The following SNCAIP variants were observed in gnomAD, a reference collection of about 807,000 sequenced individuals.
SNCAIP encodes synuclein alpha interacting protein.
SNCAIP carries 43 observed loss-of-function variants against 86.7 expected under a neutral mutation model. The ratio of observed to expected loss-of-function variants is 0.50; its 90% CI spans 0.39 to 0.64. SNCAIP has a LOEUF of 0.64. Among genes scored for constraint, SNCAIP ranks in the 30% least tolerant of loss-of-function variants. The pLI, the probability that SNCAIP is intolerant of heterozygous loss-of-function variation, is 0.00. For synonymous variants in SNCAIP, 417 were observed against 427.2 expected (o/e 0.98, Z 0.29); for missense variants, 981 against 1,103.1 (o/e 0.89, Z 1.57).
intron 2 of SNCAIP, among the ~76,000 whole-genome samples, chr5:122,395,612 G>C (rs966859897): frequency 2.0e-5 from 3 of 152,138 alleles, no homozygotes; most frequent in African/African-American, 7.2e-5. Context: ...CTTTCAGTGA[G>C]TTTTCATGTC....
At chr5:122,327,547 G>A (rs888376890) in intron 1 of SNCAIP, among the ~76,000 whole-genome samples, 3 of 152,068 alleles carry the variant, frequency 2.0e-5, no homozygotes, top group East Asian at 1.9e-4. Context: ...GAGTCCACAC[G>A]AAATCTGGTG....
intron 1 of SNCAIP, among the ~76,000 whole-genome samples, chr5:122,379,619 G>C (rs1466356771): frequency 6.6e-6 from 1 of 151,368 alleles, no homozygotes; most frequent in Non-Finnish European, 1.5e-5. Flanking sequence ...TCTTGTGCCA[G>C]TTTTCAAAGG....
chr5:122,366,272 C>G (rs1763177013), intron 1 of SNCAIP, among the ~76,000 whole-genome samples: 1 of 152,170 alleles, frequency 6.6e-6, no homozygotes, highest in Non-Finnish European at 1.5e-5. Flanking sequence ...ACTAGCAAAG[C>G]TGGAATGATG....
chr5:122,440,404 TC>T, intron 6 of SNCAIP: 1 of 538,532 alleles, frequency 1.9e-6, no homozygotes, highest in Non-Finnish European at 3.3e-6. Flanking sequence ...TAAGAGCGCT[TC>T]CAAGGGAGCT....
intron 1 of SNCAIP, among the ~76,000 whole-genome samples, chr5:122,336,566 C>CA (rs1387404878): frequency 1.3e-5 from 2 of 152,254 alleles, no homozygotes; most frequent in African/African-American, 4.8e-5. Flanking sequence ...GCCCTTGTCA[C>CA]AGCCTTGGCT....
chr5:122,379,665 T>G (rs1344220175), intron 1 of SNCAIP, among the ~76,000 whole-genome samples: 1 of 151,978 alleles, frequency 6.6e-6, no homozygotes, highest in East Asian at 1.9e-4. Context: ...AGTATGATAT[T>G]GGCTGTGAGT....
intron 3 of SNCAIP, among the ~76,000 whole-genome samples, chr5:122,404,241 G>A (rs1772476306): frequency 6.6e-6 from 1 of 152,140 alleles, no homozygotes; most frequent in Admixed American, 6.5e-5. Context: ...TACCCATATG[G>A]CAAGGACCAG....
At chr5:122,462,178 A>G (rs529292244) in intron 10 of SNCAIP, among the ~76,000 whole-genome samples, 1 of 152,308 alleles carries the variant, frequency 6.6e-6, no homozygotes, top group South Asian at 2.1e-4. Flanking sequence ...CTTCAGAAGT[A>G]CACGGTGCTT....
chr5:122,356,288 G>A (rs1307118731), intron 1 of SNCAIP, among the ~76,000 whole-genome samples: 1 of 151,362 alleles, frequency 6.6e-6, no homozygotes, highest in Non-Finnish European at 1.5e-5. Flanking sequence ...CACCATACCT[G>A]GATAATTTTT....
intron 1 of SNCAIP, among the ~76,000 whole-genome samples, chr5:122,373,588 T>C (rs1764685851): frequency 6.6e-6 from 1 of 152,188 alleles, no homozygotes; most frequent in South Asian, 2.1e-4. Flanking sequence ...GGAAACACGT[T>C]TGTTTTATTC....
At position 122,450,933 on chromosome 5, in the gene SNCAIP, G is replaced by T. The variant is rs753238008; in HGVS notation, c.2086G>T (p.Ala696Ser). Residue 696 changes from alanine to serine, a missense_variant, in exon 10 of 11, where the codon GCT becomes TCT. Coordinates refer to ENST00000261368, the MANE Select transcript of SNCAIP (RefSeq NM_005460.4). ...EDPKTTPVRK[A>S]DRPRPQPIVE... is the part of the protein sequence containing the mutation. ...CCCCAAGACTACCCCAGTGAGGAAG[G>T]CTGACCGACCAAGGCCGCAGCCCAT... The T allele has an allele frequency of 6.2e-7, 1 of 1,614,136 alleles. No individual in the cohort carries two copies. The highest frequency in any genetic ancestry group is 8.5e-7 in the Non-Finnish European group (1 of 1,180,024).
Position 122,403,698 on chromosome 5 carries a change from G to C in SNCAIP, c.58-95G>C, listed in dbSNP as rs928535288. ...TTCTGAATATACATGTTGTGCCCAA[G>C]TATCACTTATTGTGTTTTGTTTTTC... On this transcript the variant is annotated intron_variant, in intron 2 of 10. Coordinates refer to ENST00000261368, the MANE Select transcript of SNCAIP (RefSeq NM_005460.4). 10 of 968,358 alleles carry C rather than the reference G, an allele frequency of 1.0e-5. 1 individual carries two copies. In the Middle Eastern group the frequency reaches 6.2e-4, roughly 60 times the overall value. The allele number at this position is 968,358 out of a possible 1,614,324, so 60.0% of individuals were successfully genotyped here.
At chr5:122,445,909 G>C (rs1038551584) in intron 8 of SNCAIP, among the ~76,000 whole-genome samples, 3 of 151,572 alleles carry the variant, frequency 2.0e-5, no homozygotes, top group African/African-American at 7.3e-5. Flanking sequence ...ACAAGTCTCT[G>C]TGCCCCTCTA....
chr5:122,410,879 AAC>A (rs1327187881), intron 3 of SNCAIP, among the ~76,000 whole-genome samples: 4 of 152,232 alleles, frequency 2.6e-5, no homozygotes, highest in African/African-American at 9.6e-5. Context: ...GCAGAGCTTA[AAC>A]ACATCGCATC....
intron 1 of SNCAIP, among the ~76,000 whole-genome samples, chr5:122,322,616 G>C (rs1753183321): frequency 6.6e-6 from 1 of 152,134 alleles, no homozygotes; most frequent in Non-Finnish European, 1.5e-5. Context: ...AATAAATCCT[G>C]CTGTCACACA....
chr5:122,347,645 C>T (rs1758885071), intron 1 of SNCAIP, among the ~76,000 whole-genome samples: 1 of 151,908 alleles, frequency 6.6e-6, no homozygotes, highest in South Asian at 2.1e-4. Flanking sequence ...ACTTTGTCTC[C>T]GTTCTAATTA....
intron 3 of SNCAIP, among the ~76,000 whole-genome samples, chr5:122,414,670 G>A (rs1394685950): frequency 6.6e-6 from 1 of 152,176 alleles, no homozygotes; most frequent in Non-Finnish European, 1.5e-5. Flanking sequence ...GGATTCCATT[G>A]CATATAGGTG....
chr5:122,425,689 A>G (rs534980623), intron 5 of SNCAIP, among the ~76,000 whole-genome samples, 158 bp downstream of exon 5: 1 of 152,210 alleles, frequency 6.6e-6, no homozygotes, highest in Non-Finnish European at 1.5e-5. Context: ...CATTTCAGTC[A>G]CTGCTTTGAG....
chr5:122,420,800 GA>G (rs1281965364), intron 3 of SNCAIP, among the ~76,000 whole-genome samples: 4 of 152,146 alleles, frequency 2.6e-5, no homozygotes, highest in African/African-American at 9.7e-5. Context: ...ATAAAAGATA[GA>G]AAACTTCTTA....
Sources: gnomAD v4.1 joint callset for allele counts (sites outside exome capture counted in the v4.1 genomes callset) on GRCh38, gnomAD v4.1.1 for gene constraint, MANE v1.5 for transcripts, NCBI Gene and HGNC (gene_info 2026-07-23, HGNC 2026-07-21) for gene names.